CFAP54: variants seen among roughly 807,000 people sequenced by gnomAD.
CFAP54 encodes cilia- and flagella-associated protein 54.
A neutral mutation model predicts 370.4 loss-of-function variants in CFAP54; 290 were observed. The observed-to-expected ratio is 0.78, with a 90% CI of 0.71 to 0.86. The LOEUF is 0.86. Among genes scored for constraint, CFAP54 ranks in the 40% least tolerant of loss-of-function variants. CFAP54 has a pLI of 0.00. For missense variants in CFAP54, 3,399 were observed against 3,528.7 expected (o/e 0.96, Z 0.93); for synonymous variants, 1,206 against 1,236.5 (o/e 0.98, Z 0.52).
chr12:96,704,835 G>T, intron 47 of CFAP54, 39 bp downstream of exon 47: 1 of 813,966 alleles, frequency 1.2e-6, no homozygotes, highest in Non-Finnish European at 1.9e-6. Context: ...GTTTTCCTAA[G>T]TGTGGATAAT....
intron 50 of CFAP54, among the ~76,000 whole-genome samples, chr12:96,727,572 C>A (rs1207490579): frequency 7.4e-5 from 11 of 147,920 alleles, no homozygotes; most frequent in East Asian, 4.0e-4. Context: ...ATGTGTGTCT[C>A]TGCACATGAG....
At chr12:96,801,597 G>A (rs745902275) in intron 63 of CFAP54, among the ~76,000 whole-genome samples, 2 of 152,142 alleles carry the variant, frequency 1.3e-5, no homozygotes. Flanking sequence ...TCTCCAGATC[G>A]TACCTTAGGA....
intron 39 of CFAP54, among the ~76,000 whole-genome samples, chr12:96,674,937 C>T (rs1355870387): frequency 1.1e-4 from 16 of 152,058 alleles, no homozygotes; most frequent in Admixed American, 5.9e-4. Context: ...AAAATTAATT[C>T]GAGATGGATT....
At position 96,817,819 on chromosome 12, in the gene CFAP54, C is replaced by G. The variant is rs1300019042; in HGVS notation, c.9002C>G (p.Ala3001Gly). ...HEKLSNLAQI[A>G]ELSLPAAPEI... is the part of the protein sequence containing the mutation. ...AAATTATCTAATCTTGCTCAAATAG[C>G]TGAACTATCATTGCCAGCAGCTCCT... The change falls in exon 65 of 68, where the codon GCT becomes GGT. Residue 3001 changes from alanine (A) to glycine (G), a missense_variant. Physicochemically the swap from Ala to Gly is moderately conservative, Grantham distance 60. This residue lies in a region of CFAP54 where 2,796 missense variants were observed against 2,869.7 expected (regional missense o/e 0.97). Coordinates refer to ENST00000524981, the MANE Select transcript of CFAP54 (RefSeq NM_001306084.2). 7 of 1,509,418 alleles carry G rather than the reference C, an allele frequency of 4.6e-6. No individual in the cohort carries two copies. Among genetic ancestry groups the G allele is most frequent in the Non-Finnish European group, 5.3e-6 (6 of 1,131,794 alleles). The allele number at this position is 1,509,418 out of a possible 1,614,324, so 93.5% of individuals were successfully genotyped here. A position where few individuals can be genotyped will look rare whatever the true frequency, so the allele number is the denominator to read the frequency against.
intron 66 of CFAP54, among the ~76,000 whole-genome samples, chr12:96,839,731 G>A: frequency 6.6e-6 from 1 of 152,340 alleles, no homozygotes; most frequent in African/African-American, 2.4e-5. Flanking sequence ...GAAAGTTGGG[G>A]ATGATTCAAC....
At chr12:96,573,198 A>G (rs1406064853) in intron 19 of CFAP54, among the ~76,000 whole-genome samples, 1 of 152,112 alleles carries the variant, frequency 6.6e-6, no homozygotes, top group Non-Finnish European at 1.5e-5. Context: ...GTTTTGCATA[A>G]TTTTTCCTTA....
chr12:96,782,100 C>A (rs1450671704), intron 60 of CFAP54, among the ~76,000 whole-genome samples: 1 of 151,902 alleles, frequency 6.6e-6, no homozygotes, highest in East Asian at 1.9e-4. Context: ...AAATAATAAT[C>A]ATCTCAAATA....
rs376736178 is a variant in CFAP54, at chr12:96,755,813, G to A, written c.7841-645G>A. Among the ~76,000 whole-genome samples the A allele has an allele frequency of 5.2e-4, 79 of 151,722 alleles. 1 individual carries two copies. In the South Asian group the frequency reaches 0.011, roughly 21 times the overall value. On this transcript the variant is annotated intron_variant, in intron 56 of 67. Coordinates refer to ENST00000524981, the MANE Select transcript of CFAP54 (RefSeq NM_001306084.2). ...CTCCTGAGTGGCTGGGATTACAGGC[G>A]CGCACCACCATGCCAGGCTAATTTT...
chr12:96,533,352 C>T (rs1298200023), intron 9 of CFAP54, among the ~76,000 whole-genome samples: 3 of 152,134 alleles, frequency 2.0e-5, no homozygotes, highest in Non-Finnish European at 4.4e-5. Context: ...AGCCTTTATT[C>T]CCTCTGCTCT....
intron 19 of CFAP54, among the ~76,000 whole-genome samples, chr12:96,567,653 A>G (rs558664575): frequency 6.4e-4 from 98 of 152,186 alleles, no homozygotes; most frequent in African/African-American, 2.3e-3. Context: ...TATTTTAGAA[A>G]TATTGGTCTT....
At chr12:96,850,865 C>G (rs1231191709) in intron 66 of CFAP54, among the ~76,000 whole-genome samples, 1 of 152,116 alleles carries the variant, frequency 6.6e-6, no homozygotes, top group African/African-American at 2.4e-5. Context: ...AACTCCCTCG[C>G]TATCAGGAGA....
rs2136432609 is a variant in CFAP54, at chr12:96,589,563, G to A, written c.3212G>A (p.Arg1071Lys). The change falls in exon 23 of 68, where the codon AGA becomes AAA. Residue 1071 changes from arginine (R) to lysine (K), a missense_variant and splice_region_variant. Physicochemically the swap from Arg to Lys is conservative, Grantham distance 26. Coordinates refer to ENST00000524981, the MANE Select transcript of CFAP54 (RefSeq NM_001306084.2). ...AATATAATTACTATTACACAAAGAA[G>A]GTAATTAGAAATATTCTTCTAAAAT... The part of the protein sequence containing the change: ...LSNIITITQR[R>K]LHSDILAETS... 2 of 1,404,326 alleles carry A rather than the reference G, an allele frequency of 1.4e-6. No individual in the cohort carries two copies. Among genetic ancestry groups the A allele is most frequent in the East Asian group, 5.0e-5 (2 of 40,062 alleles). 87.0% of individuals were successfully genotyped at this position (1,404,326 alleles called of 1,614,324 possible). A position where few individuals can be genotyped will look rare whatever the true frequency, so the allele number is the denominator to read the frequency against.
Position 96,588,814 on chromosome 12 carries a change from AG to A in CFAP54, c.3076-612del, listed in dbSNP as rs199870502. 9.1e-3 allele frequency among the ~76,000 whole-genome samples: 1,380 copies of A among 152,304 alleles called. 12 individuals are homozygous for A. Among genetic ancestry groups the A allele is most frequent in the Middle Eastern group, 0.037 (11 of 294 alleles). The stretch of plus-strand genomic sequence containing the variant: ...TTCTACCATAAAAAATAGGTAAGTC[AG>A]TTTTTTTCTTTTGAACTTCTAGGCT... On this transcript the variant is annotated intron_variant, in intron 22 of 67. Transcript: ENST00000524981.
chr12:96,675,084 A>G (rs903284761), intron 39 of CFAP54, among the ~76,000 whole-genome samples: 11 of 152,142 alleles, frequency 7.2e-5, no homozygotes, highest in African/African-American at 2.4e-4. Context: ...AAAATTGACA[A>G]ATGGGATCTA....
In CFAP54 at chr12:96,527,262, C is replaced by T. The variant is rs1479443127; in HGVS notation, c.1175C>T (p.Thr392Ile). Residue 392 changes from threonine (T) to isoleucine (I), a missense_variant, in exon 9 of 68, where the codon ACT (threonine) becomes ATT (isoleucine). This residue lies in a region of CFAP54 where 559 missense variants were observed against 576.7 expected (regional missense o/e 0.97). Transcript: ENST00000524981. ...CAATTTCAGTTATCATGGCCACGAACTGTCACAGAGCGGCTACTGGATGAG... is the reference window on the plus strand; with the variant it reads ...CAATTTCAGTTATCATGGCCACGAATTGTCACAGAGCGGCTACTGGATGAG... The part of the protein sequence containing the change: ...REVQTLSWPR[T>I]VTERLLDEMF... 6.6e-7 allele frequency: 1 copy of T among 1,512,260 alleles called. No individual in the cohort carries two copies. The highest frequency in any genetic ancestry group is 1.4e-5 in the African/African-American group (1 of 71,708). 93.7% of individuals were successfully genotyped at this position (1,512,260 alleles called of 1,614,324 possible). A position where few individuals can be genotyped will look rare whatever the true frequency, so the allele number is the denominator to read the frequency against.
Position 96,806,198 on chromosome 12 carries a change from AT to A in CFAP54, c.8851-5537del, listed in dbSNP as rs1565984901. ...TATATATATATATATATATATATAT[AT>A]ATATATATATATATAATAACAACAT... On this transcript the variant is annotated intron_variant, in intron 63 of 67. Transcript: ENST00000524981. 1.5e-3 allele frequency among the ~76,000 whole-genome samples: 132 copies of A among 88,380 alleles called. 9 individuals carry two copies. Among genetic ancestry groups the A allele is most frequent in the South Asian group, 0.013 (29 of 2,154 alleles). 58.0% of individuals were successfully genotyped at this position (88,380 alleles called of 152,430 possible).
chr12:96,820,924 A>C (rs965724326), intron 65 of CFAP54, among the ~76,000 whole-genome samples: 1 of 152,150 alleles, frequency 6.6e-6, no homozygotes, highest in Admixed American at 6.6e-5. Context: ...AATTGTCCCT[A>C]AATTCACTAC....
chr12:96,533,050 A>C (rs1026836937), intron 9 of CFAP54, among the ~76,000 whole-genome samples: 9 of 152,078 alleles, frequency 5.9e-5, no homozygotes, highest in South Asian at 2.1e-4. Flanking sequence ...AGACTCTAGC[A>C]CTCTACTAAG....
intron 63 of CFAP54, among the ~76,000 whole-genome samples, chr12:96,804,816 G>A (rs1460831247): frequency 1.3e-5 from 2 of 152,092 alleles, no homozygotes; most frequent in East Asian, 1.9e-4. Flanking sequence ...CAAACCTGGA[G>A]GCATCACATT....
Sources: gnomAD v4.1 joint callset for allele counts (sites outside exome capture counted in the v4.1 genomes callset) on GRCh38, gnomAD v4.1.1 for gene constraint, gnomAD v4.1.1 regional missense constraint, MANE v1.5 for transcripts, NCBI Gene and HGNC (gene_info 2026-07-23, HGNC 2026-07-21) for gene names.